ATRNL1: variants seen among roughly 807,000 people sequenced by gnomAD.
ATRNL1 encodes attractin like 1.
ATRNL1 carries 95 observed loss-of-function variants against 182.7 expected under a neutral mutation model. The ratio of observed to expected loss-of-function variants is 0.52; its 90% CI spans 0.44 to 0.62. ATRNL1 has a LOEUF of 0.62. ATRNL1 is among the 20% of genes least tolerant of loss of function. ATRNL1 has a pLI of 0.00. For synonymous variants in ATRNL1, 576 were observed against 568.3 expected, an observed-to-expected ratio of 1.01 and a Z score of -0.19; for missense variants, 1,471 against 1,679.5, an observed-to-expected ratio of 0.88 and a Z score of 2.17.
chr10:115,566,713 A>G (rs1435821048), intron 26 of ATRNL1, among the ~76,000 whole-genome samples: 4 of 152,064 alleles, frequency 2.6e-5, no homozygotes, highest in African/African-American at 2.4e-5. Context: ...TACTTAGATT[A>G]TTGGATTTTT....
chr10:115,161,810 C>G (rs1846798901), intron 6 of ATRNL1, among the ~76,000 whole-genome samples: 1 of 151,922 alleles, frequency 6.6e-6, no homozygotes, highest in Non-Finnish European at 1.5e-5. Flanking sequence ...TTTCATCATT[C>G]TGAATGTAGT....
chr10:115,780,697 A>G (rs1949244005), intron 27 of ATRNL1, among the ~76,000 whole-genome samples: 1 of 152,144 alleles, frequency 6.6e-6, no homozygotes, highest in African/African-American at 2.4e-5. Context: ...ATTTCTAGTT[A>G]TATCCTGGGC....
chr10:115,713,424 C>T (rs975286282), intron 26 of ATRNL1, among the ~76,000 whole-genome samples: 1 of 97,272 alleles, frequency 1.0e-5, no homozygotes, highest in Non-Finnish European at 2.4e-5. Context: ...AAAAACAAAA[C>T]AAGGAAGAGG....
chr10:115,447,741 CT>C (rs1240825346), intron 21 of ATRNL1, among the ~76,000 whole-genome samples: 1 of 151,706 alleles, frequency 6.6e-6, no homozygotes, highest in Non-Finnish European at 1.5e-5. Context: ...AATTAAAATC[CT>C]TACACATTTC....
chr10:115,101,282 T>C (rs115662963), intron 1 of ATRNL1, among the ~76,000 whole-genome samples: 1,805 of 152,226 alleles, frequency 0.012, 35 homozygotes, highest in African/African-American at 0.04. Context: ...TCAATCTTAC[T>C]TAAGATTTAG....
chr10:115,892,843 A>G (rs1478787248), intron 28 of ATRNL1, among the ~76,000 whole-genome samples: 2 of 152,242 alleles, frequency 1.3e-5, no homozygotes, highest in Non-Finnish European at 2.9e-5. Context: ...TTATATTTGT[A>G]CTGTATTATA....
chr10:115,117,320 C>T (rs1453418412), intron 1 of ATRNL1, among the ~76,000 whole-genome samples: 4 of 151,680 alleles, frequency 2.6e-5, no homozygotes, highest in African/African-American at 9.7e-5. Context: ...TTTTTTTGTA[C>T]CCCTTAACCA....
intron 26 of ATRNL1, among the ~76,000 whole-genome samples, chr10:115,665,244 A>G (rs1860933715): frequency 1.3e-5 from 2 of 152,184 alleles, no homozygotes; most frequent in Non-Finnish European, 2.9e-5. Context: ...ATAGAAATAT[A>G]TAACAGAGTC....
At chr10:115,589,446 A>G (rs1198079340) in intron 26 of ATRNL1, among the ~76,000 whole-genome samples, 7 of 152,134 alleles carry the variant, frequency 4.6e-5, no homozygotes, top group Admixed American at 2.6e-4. Flanking sequence ...AATGAAGAAA[A>G]CACATTAAAT....
chr10:115,797,613 G>T (rs959363622), intron 27 of ATRNL1, among the ~76,000 whole-genome samples: 3 of 151,444 alleles, frequency 2.0e-5, no homozygotes, highest in East Asian at 2.0e-4. Flanking sequence ...AAAAAAAATT[G>T]TATGTGTGCA....
chr10:115,108,378 A>G (rs2152148), intron 1 of ATRNL1, among the ~76,000 whole-genome samples: 33,033 of 152,138 alleles, frequency 0.22, 4,614 homozygotes, highest in Non-Finnish European at 0.31. Flanking sequence ...TAGAGGTTTA[A>G]TAGGTAGAAG....
intron 28 of ATRNL1, among the ~76,000 whole-genome samples, chr10:115,907,603 C>T (rs1263787936): frequency 2.0e-5 from 3 of 152,218 alleles, no homozygotes; most frequent in East Asian, 1.9e-4. Context: ...CATTTCAATA[C>T]ACTTGCAGTC....
At chr10:115,572,505 TTAACC>T (rs782139388) in intron 26 of ATRNL1, among the ~76,000 whole-genome samples, 23 of 152,138 alleles carry the variant, frequency 1.5e-4, no homozygotes, top group Non-Finnish European at 3.1e-4. Context: ...TGGTGGTACC[TTAACC>T]TAAACCATAA....
chr10:115,368,123 G>C (rs1276335113), intron 19 of ATRNL1, among the ~76,000 whole-genome samples: 2 of 152,160 alleles, frequency 1.3e-5, no homozygotes, highest in Admixed American at 6.5e-5. Flanking sequence ...CCTCCCCCAG[G>C]CTCGCTGCTG....
At chr10:115,839,886 G>A (rs1381489226) in intron 27 of ATRNL1, among the ~76,000 whole-genome samples, 2 of 152,164 alleles carry the variant, frequency 1.3e-5, no homozygotes, top group African/African-American at 4.8e-5. Context: ...GACATAATGT[G>A]TTTTAGAATG....
chr10:115,829,275 G>T (rs577774054), intron 27 of ATRNL1, among the ~76,000 whole-genome samples: 31 of 152,258 alleles, frequency 2.0e-4, no homozygotes, highest in Non-Finnish European at 3.8e-4. Context: ...GCAGATAGGA[G>T]TTGAGAGCAG....
intron 10 of ATRNL1, among the ~76,000 whole-genome samples, chr10:115,249,273 C>T (rs781894196): frequency 1.3e-5 from 2 of 152,016 alleles, no homozygotes; most frequent in East Asian, 1.9e-4. Flanking sequence ...GGATTACATG[C>T]GTGAGCCACC....
At chr10:115,373,546 G>C (rs1360302905) in intron 19 of ATRNL1, among the ~76,000 whole-genome samples, 1 of 151,924 alleles carries the variant, frequency 6.6e-6, no homozygotes, top group East Asian at 1.9e-4. Flanking sequence ...TACTTAATTT[G>C]TTGAGCATTT....
chr10:115,250,532 G>T (rs922952400), intron 10 of ATRNL1, among the ~76,000 whole-genome samples: 20 of 152,142 alleles, frequency 1.3e-4, no homozygotes, highest in Non-Finnish European at 2.6e-4. Flanking sequence ...TCCTACCCTG[G>T]CTGGAAAGAG....
Sources: allele counts gnomAD v4.1 joint callset (sites outside exome capture counted in the v4.1 genomes callset), GRCh38; gene constraint gnomAD v4.1.1; transcripts MANE v1.5; gene names NCBI Gene and HGNC (gene_info 2026-07-23, HGNC 2026-07-21).